The following THSD4 variants were observed in gnomAD, a reference collection of about 807,000 sequenced individuals.
THSD4 encodes the protein thrombospondin type-1 domain-containing protein 4.
THSD4 carries 69 observed loss-of-function variants against 119.0 expected under a neutral mutation model. That is an observed-to-expected ratio of 0.58 (90% CI 0.48 to 0.71). THSD4 has a LOEUF of 0.71. Ranked by LOEUF, THSD4 falls within the 30% of genes least tolerant of loss-of-function variation. The pLI is 0.00. For missense variants in THSD4, 1,393 were observed against 1,391.1 expected, an observed-to-expected ratio of 1.00 and a Z score of -0.02; for synonymous variants, 524 against 540.4, an observed-to-expected ratio of 0.97 and a Z score of 0.42.
At position 71,464,196 on chromosome 15, in the gene THSD4, G is replaced by T. The variant is rs531075641; in HGVS notation, c.1152+52373G>T. 7.9e-5 allele frequency among the ~76,000 whole-genome samples: 12 copies of T among 152,208 alleles called. No individual in the cohort carries two copies. In the South Asian group the frequency reaches 2.5e-3, roughly 32 times the overall value. ...TGGCTCAGTCCTTTTTTCCCATCAG[G>T]ATGTGACTTCCATCGGACCAATCAC... On this transcript the variant is annotated intron_variant, in intron 7 of 17. Coordinates refer to ENST00000261862, the MANE Select transcript of THSD4 (RefSeq NM_024817.3).
intron 7 of THSD4, among the ~76,000 whole-genome samples, chr15:71,588,417 T>G (rs1008801809): frequency 6.6e-6 from 1 of 151,874 alleles, no homozygotes; most frequent in African/African-American, 2.4e-5. Context: ...TTTAATTTTT[T>G]TTAATTTATT....
At chr15:71,113,833 T>C (rs1174201898), upstream of THSD4, 3 of 152,246 alleles carry the variant, frequency 2.0e-5, no homozygotes, top group African/African-American at 7.2e-5. Context: ...TTTAAAATTA[T>C]GGTAAAATGT....
At chr15:71,434,310 C>G (rs2046978776) in intron 7 of THSD4, among the ~76,000 whole-genome samples, 2 of 151,824 alleles carry the variant, frequency 1.3e-5, no homozygotes. Flanking sequence ...TACACAGAAG[C>G]CAAAGAGATG....
intron 7 of THSD4, among the ~76,000 whole-genome samples, chr15:71,655,741 C>T (rs1015465013): frequency 1.3e-5 from 2 of 152,220 alleles, no homozygotes; most frequent in Non-Finnish European, 2.9e-5. Context: ...GCATATTCTC[C>T]TGCCCACCCA....
At chr15:71,339,531 T>G (rs553798264) in intron 6 of THSD4, among the ~76,000 whole-genome samples, 23 of 152,268 alleles carry the variant, frequency 1.5e-4, no homozygotes, top group Non-Finnish European at 2.2e-4. Context: ...GTACATTATC[T>G]ATTATCGATC....
In THSD4 at chr15:71,141,466, C is replaced by T; in HGVS notation, c.-62C>T. Reference sequence around the variant, plus strand: ...TTCCATAGGACTTGAACGCAACTCCCAATTGCAGAAAATTGGCAACGTCTC... The same window carrying T: ...TTCCATAGGACTTGAACGCAACTCCTAATTGCAGAAAATTGGCAACGTCTC... On this transcript the variant is annotated 5_prime_UTR_variant, in exon 2 of 18. Coordinates refer to ENST00000261862, the MANE Select transcript of THSD4 (RefSeq NM_024817.3). The T allele has an allele frequency of 6.5e-7, 1 of 1,540,034 alleles. No individual in the cohort carries two copies. Among genetic ancestry groups the T allele is most frequent in the East Asian group, 2.3e-5 (1 of 43,862 alleles).
chr15:71,618,369 C>G (rs914697786), intron 7 of THSD4, among the ~76,000 whole-genome samples: 1 of 152,188 alleles, frequency 6.6e-6, no homozygotes, highest in Non-Finnish European at 1.5e-5. Flanking sequence ...GTTAAAACGA[C>G]TAAACTATAC....
intron 10 of THSD4, among the ~76,000 whole-genome samples, chr15:71,735,442 CTCTT>C (rs2053064704): frequency 6.6e-6 from 1 of 151,272 alleles, no homozygotes; most frequent in African/African-American, 2.4e-5. Flanking sequence ...ACCTCTCTCT[CTCTT>C]TCTCACTCTC....
chr15:71,746,682 A>C (rs1032064789), intron 12 of THSD4, among the ~76,000 whole-genome samples, 156 bp from the exon 13 acceptor site: 12 of 152,240 alleles, frequency 7.9e-5, no homozygotes, highest in Non-Finnish European at 1.6e-4. Flanking sequence ...GGCGTGCGCC[A>C]CTGTGCCCAG....
At chr15:71,423,167 C>G (rs1488802016) in intron 7 of THSD4, among the ~76,000 whole-genome samples, 1 of 152,004 alleles carries the variant, frequency 6.6e-6, no homozygotes, top group Non-Finnish European at 1.5e-5. Context: ...CAAGAGCCCA[C>G]TTGGTACTGT....
intron 7 of THSD4, among the ~76,000 whole-genome samples, chr15:71,589,219 C>G (rs1297237471): frequency 6.6e-6 from 1 of 151,854 alleles, no homozygotes; most frequent in African/African-American, 2.4e-5. Flanking sequence ...ATTAAATGGA[C>G]TTGAATATAT....
chr15:71,781,345 G>C lies in THSD4; in HGVS notation c.*3971G>C, dbSNP rs2053995396. Reference sequence around the variant, plus strand: ...AGGTGGGAGAGAGGCAAGAATTTCAGTTGACTAAGCTCAGTGTGAGTCAAA... The same window carrying C: ...AGGTGGGAGAGAGGCAAGAATTTCACTTGACTAAGCTCAGTGTGAGTCAAA... On this transcript the variant is annotated 3_prime_UTR_variant, in exon 18 of 18. Transcript: ENST00000261862. 6.5e-6 allele frequency: 1 copy of C among 153,744 alleles called. No homozygotes were observed. Among genetic ancestry groups the C allele is most frequent in the Non-Finnish European group, 1.4e-5 (1 of 69,040 alleles). 9.5% of individuals were successfully genotyped at this position (153,744 alleles called of 1,614,324 possible).
At chr15:71,730,801 A>G (rs2052962616) in intron 9 of THSD4, 1 of 333,030 alleles carries the variant, frequency 3.0e-6, no homozygotes. Flanking sequence ...GGATGTTTCA[A>G]GAGCACTGAG....
At chr15:71,640,099 T>A (rs772237518) in intron 7 of THSD4, among the ~76,000 whole-genome samples, 1 of 152,138 alleles carries the variant, frequency 6.6e-6, no homozygotes, top group Non-Finnish European at 1.5e-5. Flanking sequence ...TCTTTTTCTT[T>A]TATTGGACAG....
intron 6 of THSD4, among the ~76,000 whole-genome samples, chr15:71,268,731 A>G (rs1304664553): frequency 6.6e-6 from 1 of 151,996 alleles, no homozygotes; most frequent in Non-Finnish European, 1.5e-5. Flanking sequence ...AGACTAATAA[A>G]GAAAAAAAGA....
chr15:71,145,129 A>C (rs1029449604), intron 2 of THSD4, among the ~76,000 whole-genome samples: 1 of 152,144 alleles, frequency 6.6e-6, no homozygotes, highest in Admixed American at 6.5e-5. Context: ...TGACCTGGCC[A>C]GCCAACAAAA....
At chr15:71,578,715 A>C (rs2049502320) in intron 7 of THSD4, among the ~76,000 whole-genome samples, 1 of 152,200 alleles carries the variant, frequency 6.6e-6, no homozygotes. Flanking sequence ...ACTAAATAAT[A>C]AATAGAAAAT....
chr15:71,174,830 C>A (rs1469951209), intron 3 of THSD4, among the ~76,000 whole-genome samples: 1 of 151,972 alleles, frequency 6.6e-6, no homozygotes, highest in African/African-American at 2.4e-5. Flanking sequence ...GTCCCTGACC[C>A]CTGACCCCGA....
At position 71,777,109 on chromosome 15, in the gene THSD4, C is replaced by T. The variant is rs2053927142; in HGVS notation, c.2915-123C>T. ...TGTGAGCCCTTGGCACACATTCATA[C>T]CCCACAATGGTAATAAACAGCAGCG... On this transcript the variant is annotated intron_variant, in intron 17 of 17. Coordinates refer to ENST00000261862, the MANE Select transcript of THSD4 (RefSeq NM_024817.3). 2.0e-5 allele frequency: 22 copies of T among 1,122,532 alleles called. 1 individual carries two copies. The South Asian group carries it at 2.9e-4, about 15-fold the overall frequency. 69.5% of individuals were successfully genotyped at this position (1,122,532 alleles called of 1,614,324 possible).
Sources: allele counts gnomAD v4.1 joint callset (sites outside exome capture counted in the v4.1 genomes callset), GRCh38; gene constraint gnomAD v4.1.1; transcripts MANE v1.5; gene names NCBI Gene and HGNC (gene_info 2026-07-23, HGNC 2026-07-21).